PDE11A: variants seen among roughly 807,000 people sequenced by gnomAD.
PDE11A encodes dual 3',5'-cyclic-AMP and -GMP phosphodiesterase 11A.
PDE11A carries 100 observed loss-of-function variants against 100.5 expected under a neutral mutation model. That is an observed-to-expected ratio of 1.00 (90% CI 0.85 to 1.18). PDE11A has a LOEUF of 1.18. PDE11A is among the 50% of genes most tolerant of loss of function. The pLI, the probability that PDE11A is intolerant of heterozygous loss-of-function variation, is 0.00. For synonymous variants in PDE11A, 381 were observed against 420.8 expected (o/e 0.91, Z 1.16); for missense variants, 1,141 against 1,152.6 (o/e 0.99, Z 0.15).
intron 2 of PDE11A, among the ~76,000 whole-genome samples, chr2:178,096,145 G>C (rs1252138098): frequency 1.4e-5 from 2 of 141,226 alleles, no homozygotes; most frequent in South Asian, 2.3e-4. Context: ...TTTCTCCCCA[G>C]AAAACAGGTT....
chr2:177,753,999 G>T (rs2082057269), intron 10 of PDE11A, among the ~76,000 whole-genome samples: 3 of 151,956 alleles, frequency 2.0e-5, no homozygotes, highest in African/African-American at 7.3e-5. Context: ...GGCCCATCTG[G>T]ATCATCCTCC....
intron 2 of PDE11A, among the ~76,000 whole-genome samples, chr2:178,099,014 CA>C (rs1459055511): frequency 6.6e-6 from 1 of 152,134 alleles, no homozygotes; most frequent in Non-Finnish European, 1.5e-5. Context: ...TTAATTCAAA[CA>C]ATTTGTTTCT....
chr2:177,679,742 G>A (rs971252201), intron 16 of PDE11A, among the ~76,000 whole-genome samples: 4 of 152,052 alleles, frequency 2.6e-5, no homozygotes, highest in Admixed American at 2.0e-4. Context: ...AGGCAGAAGT[G>A]TGTTTTTAGG....
At chr2:178,104,568 A>C (rs2105890469) in intron 1 of PDE11A, 1 of 1,071,064 alleles carries the variant, frequency 9.3e-7, no homozygotes, top group East Asian at 2.5e-5. Context: ...ATTTTGACTG[A>C]AGTGAATGCT....
At chr2:177,929,069 G>A (rs1422136537) in intron 2 of PDE11A, among the ~76,000 whole-genome samples, 2 of 152,154 alleles carry the variant, frequency 1.3e-5, no homozygotes, top group East Asian at 3.8e-4. Context: ...GGGAACTTGA[G>A]TGTTGCACAG....
At chr2:178,104,873 C>T (rs894774109) in intron 1 of PDE11A, among the ~76,000 whole-genome samples, 2 of 151,942 alleles carry the variant, frequency 1.3e-5, no homozygotes, top group African/African-American at 4.8e-5. Context: ...TTTTGCAACC[C>T]CTTATTTAAA....
chr2:178,015,802 A>G (rs997084858), intron 1 of PDE11A, among the ~76,000 whole-genome samples: 1 of 152,192 alleles, frequency 6.6e-6, no homozygotes, highest in African/African-American at 2.4e-5. Flanking sequence ...AAGGAAAAAA[A>G]GAAAAAGATT....
chr2:177,809,152 T>C (rs2082912731), intron 9 of PDE11A, among the ~76,000 whole-genome samples: 1 of 151,892 alleles, frequency 6.6e-6, no homozygotes, highest in South Asian at 2.1e-4. Flanking sequence ...GAGTTTCAGT[T>C]TGGGAAGATG....
At chr2:177,739,294 T>A (rs1561320) in intron 10 of PDE11A, among the ~76,000 whole-genome samples, 3 of 151,988 alleles carry the variant, frequency 2.0e-5, no homozygotes, top group Non-Finnish European at 4.4e-5. Flanking sequence ...AGGGTGAAAC[T>A]GGAACCTTGG....
At chr2:178,081,474 T>C (rs753936543) in intron 2 of PDE11A, among the ~76,000 whole-genome samples, 1 of 152,228 alleles carries the variant, frequency 6.6e-6, no homozygotes, top group African/African-American at 2.4e-5. Context: ...TTAATTTCAG[T>C]CTCTCATCAA....
intron 9 of PDE11A, among the ~76,000 whole-genome samples, chr2:177,773,522 C>G (rs7562835): frequency 0.53 from 80,795 of 151,906 alleles, 22,122 homozygotes; most frequent in African/African-American, 0.63. Context: ...ACATCTTAGA[C>G]CTAAAGCTTT....
intron 1 of PDE11A, chr2:178,018,199 G>T: frequency 5.4e-6 from 2 of 369,426 alleles, no homozygotes; most frequent in East Asian, 1.3e-4. Context: ...GACTGGTGAC[G>T]GGGTTGTCAG....
intron 19 of PDE11A, among the ~76,000 whole-genome samples, chr2:177,652,364 G>A (rs2080323649): frequency 6.6e-6 from 1 of 152,172 alleles, no homozygotes; most frequent in African/African-American, 2.4e-5. Context: ...ATGGGGAGAG[G>A]AGGGGAAGGT....
rs546325718 is a variant in PDE11A at position 177,969,898 on chromosome 2, G to C, written c.1071+44404C>G. On this transcript the variant is annotated intron_variant, in intron 2 of 19. Transcript: ENST00000286063. ...TTCTAATTACTGGAAATACAATGTT[G>C]AAAAAAAATTGACCTCTGCTTTCAT... 1.6e-3 allele frequency among the ~76,000 whole-genome samples: 242 copies of C among 151,876 alleles called. 3 individuals carry two copies. The highest frequency in any genetic ancestry group is 5.5e-3 in the African/African-American group (226 of 41,434).
At chr2:177,802,894 C>T (rs2105555896) in intron 9 of PDE11A, among the ~76,000 whole-genome samples, 1 of 151,930 alleles carries the variant, frequency 6.6e-6, no homozygotes, top group East Asian at 1.9e-4. Context: ...ACTGCAAAAG[C>T]ACTTGTATAA....
chr2:177,854,666 G>A (rs143382104), intron 5 of PDE11A, among the ~76,000 whole-genome samples: 228 of 152,162 alleles, frequency 1.5e-3, no homozygotes, highest in African/African-American at 5.2e-3. Flanking sequence ...ATTTTTTAGC[G>A]AAAGGCGGCA....
intron 2 of PDE11A, among the ~76,000 whole-genome samples, chr2:177,995,164 T>G (rs567438913): frequency 5.3e-5 from 8 of 152,344 alleles, no homozygotes; most frequent in Admixed American, 2.0e-4. Flanking sequence ...TTGAAATGGC[T>G]TTGGGCCACT....
chr2:177,998,107 T>C, intron 2 of PDE11A: 1 of 1,295,670 alleles, frequency 7.7e-7, no homozygotes, highest in East Asian at 2.3e-5. Context: ...CTGTTCTAGG[T>C]CGGCCTGTTC....
At chr2:177,725,701 T>G (rs2105444731) in intron 12 of PDE11A, among the ~76,000 whole-genome samples, 1 of 152,268 alleles carries the variant, frequency 6.6e-6, no homozygotes, top group Non-Finnish European at 1.5e-5. Flanking sequence ...CTTCAATTTC[T>G]TGGAAAGGAT....
Sources: allele counts gnomAD v4.1 joint callset (sites outside exome capture counted in the v4.1 genomes callset), GRCh38; gene constraint gnomAD v4.1.1; transcripts MANE v1.5; gene names NCBI Gene and HGNC (gene_info 2026-07-23, HGNC 2026-07-21).